The following ADGRL2 variants were observed in gnomAD, a reference collection of about 807,000 sequenced individuals.
ADGRL2 encodes the protein calcium-independent alpha-latrotoxin receptor 2.
In ADGRL2, 44 loss-of-function variants were observed where a neutral mutation model predicts 157.4. That is an observed-to-expected ratio of 0.28 (90% CI 0.22 to 0.36). The LOEUF is 0.36. ADGRL2 is among the 10% of genes least tolerant of loss of function. The pLI is 1.00. For missense variants in ADGRL2, 1,510 were observed against 1,768.9 expected, an observed-to-expected ratio of 0.85 and a Z score of 2.63; for synonymous variants, 585 against 624.7, an observed-to-expected ratio of 0.94 and a Z score of 0.95.
At chr1:81,701,964 TA>T (rs1446760672) in intron 1 of ADGRL2, among the ~76,000 whole-genome samples, 2 of 152,214 alleles carry the variant, frequency 1.3e-5, no homozygotes, top group African/African-American at 2.4e-5. Context: ...TGGCCTTCCA[TA>T]AATACAGTTT....
intron 3 of ADGRL2, among the ~76,000 whole-genome samples, chr1:81,677,694 G>A (rs542756966): frequency 2.6e-5 from 4 of 152,090 alleles, no homozygotes; most frequent in South Asian, 4.2e-4. Flanking sequence ...CTCAGGCCTC[G>A]ACTAAAATAA....
At chr1:81,663,696 G>A (rs1434589864) in intron 3 of ADGRL2, among the ~76,000 whole-genome samples, 1 of 152,146 alleles carries the variant, frequency 6.6e-6, no homozygotes, top group Non-Finnish European at 1.5e-5. Flanking sequence ...ATGAGCAGGT[G>A]GTGACCATTG....
intron 2 of ADGRL2, among the ~76,000 whole-genome samples, chr1:81,521,728 A>T (rs1048661028): frequency 2.6e-5 from 4 of 152,050 alleles, no homozygotes; most frequent in Admixed American, 2.0e-4. Flanking sequence ...TTCTTTCCAC[A>T]CTTTAGTTAG....
chr1:81,986,856 A>T (rs1663292941), intron 21 of ADGRL2, 45 bp from the exon 22 acceptor site: 1 of 1,574,774 alleles, frequency 6.4e-7, no homozygotes, highest in South Asian at 1.2e-5. Context: ...TAAGAAACTG[A>T]TGTACTTTTC....
intron 1 of ADGRL2, among the ~76,000 whole-genome samples, chr1:81,368,332 G>A (rs2076102316): frequency 6.6e-6 from 1 of 152,126 alleles, no homozygotes; most frequent in Non-Finnish European, 1.5e-5. Flanking sequence ...GTCTTCTTTT[G>A]AGAAGTGTCT....
intron 1 of ADGRL2, among the ~76,000 whole-genome samples, chr1:81,321,964 A>C (rs897615479): frequency 6.6e-6 from 1 of 151,850 alleles, no homozygotes; most frequent in Non-Finnish European, 1.5e-5. Flanking sequence ...CACCACTCTT[A>C]CTAACATTTT....
intron 2 of ADGRL2, among the ~76,000 whole-genome samples, chr1:81,464,309 C>T (rs538272860): frequency 1.8e-4 from 27 of 152,170 alleles, no homozygotes; most frequent in African/African-American, 6.3e-4. Context: ...TGTACACGCA[C>T]TCCATCCCCC....
intron 6 of ADGRL2, among the ~76,000 whole-genome samples, chr1:81,947,989 A>C (rs398254): frequency 0.77 from 117,683 of 151,940 alleles, 45,873 homozygotes; most frequent in East Asian, 0.94. Flanking sequence ...GATGTCAGGG[A>C]GGGCGGATCA....
chr1:81,824,967 C>CTCTT (rs1553162234), intron 1 of ADGRL2, among the ~76,000 whole-genome samples: 50 of 150,400 alleles, frequency 3.3e-4, no homozygotes, highest in African/African-American at 3.7e-4. Flanking sequence ...CTCTCTCTCT[C>CTCTT]TCTCTCTCTC....
At chr1:81,482,184 T>C (rs915972424) in intron 2 of ADGRL2, among the ~76,000 whole-genome samples, 2 of 152,216 alleles carry the variant, frequency 1.3e-5, no homozygotes, top group Non-Finnish European at 2.9e-5. Context: ...TATTTGGGCT[T>C]TAGCAGAAAC....
chr1:81,864,877 T>C (rs993898194), intron 2 of ADGRL2, among the ~76,000 whole-genome samples: 1 of 152,104 alleles, frequency 6.6e-6, no homozygotes, highest in Non-Finnish European at 1.5e-5. Flanking sequence ...TCCCAGCTAC[T>C]TGGGAGGCTG....
chr1:81,488,466 G>C (rs12096849), intron 2 of ADGRL2, among the ~76,000 whole-genome samples: 11 of 151,614 alleles, frequency 7.3e-5, no homozygotes, highest in African/African-American at 2.7e-4. Context: ...TTGAGAGACC[G>C]AGGCATGCAA....
chr1:81,417,830 T>A (rs2077058150), intron 1 of ADGRL2, among the ~76,000 whole-genome samples: 3 of 152,202 alleles, frequency 2.0e-5, no homozygotes, highest in Admixed American at 2.0e-4. Context: ...AAAAAATATG[T>A]CAGTAGTGCC....
At chr1:81,732,791 T>C (rs891909067) in intron 1 of ADGRL2, among the ~76,000 whole-genome samples, 3 of 152,198 alleles carry the variant, frequency 2.0e-5, no homozygotes, top group African/African-American at 7.2e-5. Flanking sequence ...TTGAAATGGA[T>C]GGAATACCAT....
chr1:81,355,407 A>G (rs1459896944), intron 1 of ADGRL2, among the ~76,000 whole-genome samples: 1 of 152,182 alleles, frequency 6.6e-6, no homozygotes, highest in Non-Finnish European at 1.5e-5. Context: ...TACAATTTTT[A>G]GAGTTTCAAG....
chr1:81,968,610 T>C (rs1572424758), intron 14 of ADGRL2, among the ~76,000 whole-genome samples: 1 of 152,204 alleles, frequency 6.6e-6, no homozygotes, highest in African/African-American at 2.4e-5. Context: ...AGCTGCATCT[T>C]TTGAAAAGTC....
intron 1 of ADGRL2, among the ~76,000 whole-genome samples, chr1:81,362,667 T>C (rs1219397099): frequency 3.3e-5 from 5 of 152,002 alleles, no homozygotes; most frequent in African/African-American, 1.2e-4. Flanking sequence ...ATTCCTTGTA[T>C]TGGTCCTTAT....
intron 3 of ADGRL2, among the ~76,000 whole-genome samples, chr1:81,619,495 T>A (rs969615474): frequency 6.6e-6 from 1 of 152,160 alleles, no homozygotes; most frequent in African/African-American, 2.4e-5. Context: ...AATGTAAAAT[T>A]CCACAAATCA....
rs1570965801 is a variant in ADGRL2 at position 81,437,466 on chromosome 1, G to A, written c.-301-7570G>A. ...TCATCTGGTTAATTGGAGGAGGTGG[G>A]GAGATGAAGTTGCTTCCATTAAGTT... On this transcript the variant is annotated intron_variant, in intron 1 of 24. Transcript: ENST00000370721. 2.0e-5 allele frequency among the ~76,000 whole-genome samples: 3 copies of A among 152,258 alleles called. No individual in the cohort carries two copies. In the South Asian group the frequency reaches 6.2e-4, roughly 32 times the overall value.
Sources: gnomAD v4.1 joint callset for allele counts (sites outside exome capture counted in the v4.1 genomes callset) on GRCh38, gnomAD v4.1.1 for gene constraint, MANE v1.5 for transcripts, NCBI Gene and HGNC (gene_info 2026-07-23, HGNC 2026-07-21) for gene names.